NHS: variants seen among roughly 807,000 people sequenced by gnomAD.
The protein encoded by NHS is actin remodeling regulator NHS.
Under a neutral mutation model 72.5 loss-of-function variants are expected in NHS, and 5 were observed. That is an observed-to-expected ratio of 0.07 (90% CI 0.04 to 0.14). NHS has a LOEUF of 0.14. Among genes scored for constraint, NHS ranks in the 10% least tolerant of loss-of-function variants. The pLI is 1.00. For synonymous variants in NHS, 464 were observed against 547.7 expected, an observed-to-expected ratio of 0.85 and a Z score of 2.13; for missense variants, 1,072 against 1,355.7, an observed-to-expected ratio of 0.79 and a Z score of 3.29.
chrX:17,543,031 G>A (rs1430950513), intron 1 of NHS, among the ~76,000 whole-genome samples: 1 of 111,642 alleles, frequency 9.0e-6, no homozygotes, highest in Non-Finnish European at 1.9e-5. Context: ...CTCTGGGGGA[G>A]GTGGTATAAA....
At chrX:17,568,826 C>T (rs1201358078) in intron 1 of NHS, among the ~76,000 whole-genome samples, 3 of 108,869 alleles carry the variant, frequency 2.8e-5, no homozygotes, top group Non-Finnish European at 3.8e-5. Flanking sequence ...AGCCCCCCAC[C>T]CCACAGAGGC....
At chrX:17,394,161 G>A (rs925317743) in intron 1 of NHS, among the ~76,000 whole-genome samples, 2 of 111,378 alleles carry the variant, frequency 1.8e-5, no homozygotes, top group African/African-American at 6.5e-5. Context: ...CAGACCGAAG[G>A]CTGCCTTGTG....
At chrX:17,486,168 T>C (rs1473705500) in intron 1 of NHS, among the ~76,000 whole-genome samples, 1 of 112,054 alleles carries the variant, frequency 8.9e-6, no homozygotes, top group Non-Finnish European at 1.9e-5. Flanking sequence ...GATGCTCATT[T>C]TATGTATCCT....
At chrX:17,384,304 G>A (rs1419705376) in intron 1 of NHS, among the ~76,000 whole-genome samples, 1 of 112,210 alleles carries the variant, frequency 8.9e-6, no homozygotes, top group African/African-American at 3.2e-5. Context: ...CTTCTGTGAG[G>A]CATTATGAGA....
Position 17,727,395 on chromosome X carries a change from G to A in NHS, c.3289G>A (p.Val1097Ile), listed in dbSNP as rs767078581. The A allele has an allele frequency of 1.3e-5, 16 of 1,211,063 alleles. No homozygotes were observed. The highest frequency in any genetic ancestry group is 7.8e-6 in the Non-Finnish European group (7 of 895,002). Residue 1097 changes from valine to isoleucine, a missense_variant, in exon 7 of 9, where the codon GTC becomes ATC. By Grantham distance (29) the Val-to-Ile change is conservative. Transcript: ENST00000676302. ...TCTTGATCTAAGTGCTCTTCATAAT[G>A]TCTTGAACAAACCATTCCACCACCG... ...THLDLSALHN[V>I]LNKPFHHRHP...
chrX:17,445,994 T>C (rs2064777876), intron 1 of NHS, among the ~76,000 whole-genome samples: 1 of 110,964 alleles, frequency 9.0e-6, no homozygotes, highest in Admixed American at 9.6e-5. Flanking sequence ...GTTTTTCCTC[T>C]TCTCATATTT....
At chrX:17,694,102 C>T (rs900242376) in intron 3 of NHS, among the ~76,000 whole-genome samples, 6 of 111,690 alleles carry the variant, frequency 5.4e-5, no homozygotes, top group African/African-American at 2.0e-4. Flanking sequence ...TAAAGTAAGA[C>T]TATAGGAAAA....
intron 1 of NHS, among the ~76,000 whole-genome samples, chrX:17,421,893 A>G (rs1300191367): frequency 3.6e-5 from 4 of 111,109 alleles, no homozygotes; most frequent in Non-Finnish European, 1.9e-5. Context: ...TTTTATTTTT[A>G]ATTAATGTTT....
chrX:17,457,885 C>T (rs2064831581), intron 1 of NHS, among the ~76,000 whole-genome samples: 1 of 111,797 alleles, frequency 8.9e-6, no homozygotes, highest in African/African-American at 3.3e-5. Context: ...TGCTTGTTGA[C>T]TCATTGATTT....
At chrX:17,662,931 T>C (rs185895011) in intron 1 of NHS, among the ~76,000 whole-genome samples, 15 of 112,180 alleles carry the variant, frequency 1.3e-4, no homozygotes, top group African/African-American at 6.5e-5. Flanking sequence ...TTGTTTTTCA[T>C]TGGGAATAGG....
At chrX:17,689,404 A>C (rs1213465320) in intron 2 of NHS, among the ~76,000 whole-genome samples, 1 of 112,187 alleles carries the variant, frequency 8.9e-6, no homozygotes, top group Non-Finnish European at 1.9e-5. Context: ...TAGTTGGCTA[A>C]GAAGTTCTTT....
At chrX:17,563,578 A>G (rs149838529) in intron 1 of NHS, among the ~76,000 whole-genome samples, 1 of 112,439 alleles carries the variant, frequency 8.9e-6, no homozygotes, top group Non-Finnish European at 1.9e-5. Context: ...AAAGGTATTG[A>G]AGAGGAAAAG....
intron 1 of NHS, among the ~76,000 whole-genome samples, chrX:17,462,704 GGTTGCACA>G (rs1214331978): frequency 1.8e-5 from 2 of 111,935 alleles, no homozygotes; most frequent in Non-Finnish European, 3.8e-5. Flanking sequence ...ATGTTGAAGA[GGTTGCACA>G]GTTAGTATAT....
At chrX:17,549,475 C>T (rs1393957697) in intron 1 of NHS, among the ~76,000 whole-genome samples, 2 of 111,438 alleles carry the variant, frequency 1.8e-5, no homozygotes, top group Non-Finnish European at 1.9e-5. Context: ...CCCTGCAAGC[C>T]CAGGGCTCTC....
intron 1 of NHS, among the ~76,000 whole-genome samples, chrX:17,429,948 C>T (rs950179584): frequency 9.0e-6 from 1 of 111,685 alleles, no homozygotes; most frequent in Non-Finnish European, 1.9e-5. Flanking sequence ...TGACCTACAG[C>T]ACTTGCTGCC....
intron 1 of NHS, among the ~76,000 whole-genome samples, chrX:17,486,127 G>A (rs2064966671): frequency 8.9e-6 from 1 of 112,132 alleles, no homozygotes; most frequent in Admixed American, 9.4e-5. Context: ...TGTAGTAGGT[G>A]CTCAGTAAAT....
intron 1 of NHS, among the ~76,000 whole-genome samples, chrX:17,584,048 T>G (rs750832037): frequency 9.0e-6 from 1 of 111,598 alleles, no homozygotes; most frequent in East Asian, 2.8e-4. Context: ...AGTGGATAAT[T>G]TGTTTGCTGA....
At chrX:17,588,538 C>T (rs925382518) in intron 1 of NHS, among the ~76,000 whole-genome samples, 1 of 110,953 alleles carries the variant, frequency 9.0e-6, no homozygotes, top group East Asian at 2.8e-4. Context: ...GAGAAATGTG[C>T]AAAGCATAGA....
chrX:17,599,627 T>C (rs1010061940), intron 1 of NHS, among the ~76,000 whole-genome samples: 1 of 110,441 alleles, frequency 9.1e-6, no homozygotes, highest in African/African-American at 3.3e-5. Context: ...TATATACTAA[T>C]ATATTATCAT....
Sources: allele counts gnomAD v4.1 joint callset (sites outside exome capture counted in the v4.1 genomes callset), GRCh38; gene constraint gnomAD v4.1.1; transcripts MANE v1.5; gene names NCBI Gene and HGNC (gene_info 2026-07-23, HGNC 2026-07-21).